Variants in COL21A1 observed in about 807,000 individuals in gnomAD.
COL21A1 encodes collagen type XXI alpha 1 chain.
A neutral mutation model predicts 137.9 loss-of-function variants in COL21A1; 149 were observed. That is an observed-to-expected ratio of 1.08 (90% CI 0.95 to 1.24). The LOEUF (loss-of-function observed/expected upper bound fraction) is 1.24, where lower values mean the gene tolerates loss of function less well. COL21A1 is among the 50% of genes most tolerant of loss of function. COL21A1 has a pLI of 0.00. For missense variants in COL21A1, 1,167 were observed against 1,158.4 expected, an observed-to-expected ratio of 1.01 and a Z score of -0.11; for synonymous variants, 456 against 391.5, an observed-to-expected ratio of 1.16 and a Z score of -1.95.
At chr6:56,073,017 A>T (rs1018430318) in intron 20 of COL21A1, among the ~76,000 whole-genome samples, 1 of 151,404 alleles carries the variant, frequency 6.6e-6, no homozygotes, top group Admixed American at 6.6e-5. Flanking sequence ...GGTAGACAGC[A>T]CACATTGTTC....
chr6:56,375,950 C>G (rs951677372), intron 1 of COL21A1, among the ~76,000 whole-genome samples: 5 of 152,108 alleles, frequency 3.3e-5, no homozygotes, highest in African/African-American at 9.7e-5. Context: ...AAGTTTAGTG[C>G]TTAACATGTT....
chr6:56,102,920 T>C (rs1770581827), intron 16 of COL21A1, among the ~76,000 whole-genome samples: 1 of 152,130 alleles, frequency 6.6e-6, no homozygotes, highest in African/African-American at 2.4e-5. Flanking sequence ...ATCCAATAGC[T>C]CTACAGAAAA....
intron 10 of COL21A1, among the ~76,000 whole-genome samples, chr6:56,142,551 C>T (rs1487959708): frequency 1.3e-5 from 2 of 152,162 alleles, no homozygotes; most frequent in African/African-American, 4.8e-5. Context: ...AGAAGTCACT[C>T]TCATCCCCAC....
chr6:56,140,705 A>C (rs1365061094), intron 12 of COL21A1, among the ~76,000 whole-genome samples: 1 of 152,182 alleles, frequency 6.6e-6, no homozygotes, highest in African/African-American at 2.4e-5. Flanking sequence ...AGCCACATGG[A>C]ATGTGAAGCG....
At chr6:56,097,304 G>C (rs1410139688) in intron 17 of COL21A1, among the ~76,000 whole-genome samples, 2 of 152,010 alleles carry the variant, frequency 1.3e-5, no homozygotes, top group Non-Finnish European at 2.9e-5. Context: ...ACTAGATTTA[G>C]GAGAAAAAAT....
chr6:56,234,335 T>G (rs1781768881), intron 1 of COL21A1, among the ~76,000 whole-genome samples: 1 of 151,750 alleles, frequency 6.6e-6, no homozygotes, highest in South Asian at 2.1e-4. Context: ...ATAAATATAG[T>G]ATGAAAAATA....
chr6:56,203,997 C>T (rs1394709983), intron 1 of COL21A1, among the ~76,000 whole-genome samples: 1 of 152,162 alleles, frequency 6.6e-6, no homozygotes, highest in Non-Finnish European at 1.5e-5. Flanking sequence ...CCCTCTGGTG[C>T]CTACACCACC....
intron 1 of COL21A1, among the ~76,000 whole-genome samples, chr6:56,289,071 T>C (rs1763979330): frequency 6.6e-6 from 1 of 152,202 alleles, no homozygotes; most frequent in South Asian, 2.1e-4. Flanking sequence ...TTTTCCCCTT[T>C]AGAGACTAAA....
intron 1 of COL21A1, among the ~76,000 whole-genome samples, chr6:56,208,835 C>T (rs1045239827): frequency 3.3e-5 from 5 of 152,030 alleles, no homozygotes; most frequent in South Asian, 2.1e-4. Context: ...GTATACAGAC[C>T]GACGGAACAG....
intron 1 of COL21A1, among the ~76,000 whole-genome samples, chr6:56,327,099 T>C (rs900613778): frequency 5.3e-5 from 8 of 152,054 alleles, no homozygotes; most frequent in African/African-American, 1.9e-4. Context: ...AAAACTTTAT[T>C]ACTTTGATTT....
At chr6:56,359,139 C>T (rs957934017) in intron 1 of COL21A1, among the ~76,000 whole-genome samples, 2 of 152,068 alleles carry the variant, frequency 1.3e-5, no homozygotes, top group African/African-American at 4.8e-5. Context: ...CAGATCATTC[C>T]ACACCAAAAT....
intron 1 of COL21A1, among the ~76,000 whole-genome samples, chr6:56,269,587 A>G (rs899184874): frequency 6.9e-6 from 1 of 145,246 alleles, no homozygotes; most frequent in Admixed American, 7.2e-5. Context: ...CCTGGGAGGC[A>G]GAGCTTGCAG....
chr6:56,317,208 C>T (rs930280570), intron 1 of COL21A1, among the ~76,000 whole-genome samples: 1 of 152,092 alleles, frequency 6.6e-6, no homozygotes, highest in African/African-American at 2.4e-5. Context: ...ATTTGTTCAG[C>T]TTCTTCTTGT....
chr6:56,368,676 G>A (rs779790067), intron 1 of COL21A1, among the ~76,000 whole-genome samples: 1 of 152,180 alleles, frequency 6.6e-6, no homozygotes, highest in Admixed American at 6.5e-5. Context: ...GCCATTGGCT[G>A]CCAGGGAAAG....
At position 56,211,592 on chromosome 6, in the gene COL21A1, CA is replaced by C. The variant is rs888196535; in HGVS notation, c.-38-28937del. 1.2e-4 allele frequency among the ~76,000 whole-genome samples: 18 copies of C among 151,948 alleles called. 1 individual carries two copies. Among genetic ancestry groups the C allele is most frequent in the African/African-American group, 3.9e-4 (16 of 41,406 alleles). On this transcript the variant is annotated intron_variant, in intron 1 of 29. Coordinates refer to ENST00000244728, the MANE Select transcript of COL21A1 (RefSeq NM_030820.4). ...ATTCAAAACAAAGCAAAACAAAAGGCAAAAACAACTCATCTGATTTGCAGTG... is the reference window on the plus strand; with the variant it reads ...ATTCAAAACAAAGCAAAACAAAAGGCAAAACAACTCATCTGATTTGCAGTG...
At chr6:56,348,206 C>T (rs893032040) in intron 1 of COL21A1, among the ~76,000 whole-genome samples, 3 of 152,012 alleles carry the variant, frequency 2.0e-5, no homozygotes, top group Non-Finnish European at 4.4e-5. Flanking sequence ...CTGCTTTCTT[C>T]CCTTAAGAAG....
At chr6:56,125,310 C>T (rs957210302) in intron 14 of COL21A1, 20 of 249,822 alleles carry the variant, frequency 8.0e-5, no homozygotes, top group Non-Finnish European at 6.0e-5. Context: ...TGAGCCACCG[C>T]GCCCGGCCTG....
At chr6:56,317,651 A>G (rs940249474) in intron 1 of COL21A1, among the ~76,000 whole-genome samples, 2 of 152,008 alleles carry the variant, frequency 1.3e-5, no homozygotes, top group African/African-American at 2.4e-5. Flanking sequence ...ACTACAAATA[A>G]CTGAATCCCT....
intron 12 of COL21A1, 115 bp downstream of exon 12, chr6:56,141,670 G>T (rs2152236940): frequency 9.0e-7 from 1 of 1,107,186 alleles, no homozygotes; most frequent in Non-Finnish European, 1.4e-6. Context: ...AAATTTCTGA[G>T]CCCACAAATC....
Sources: allele counts gnomAD v4.1 joint callset (sites outside exome capture counted in the v4.1 genomes callset), GRCh38; gene constraint gnomAD v4.1.1; transcripts MANE v1.5; gene names NCBI Gene and HGNC (gene_info 2026-07-23, HGNC 2026-07-21).